THOC1: variants seen among roughly 807,000 people sequenced by gnomAD.
The protein encoded by THOC1 is THO complex subunit 1.
THOC1 carries 29 observed loss-of-function variants against 97.3 expected under a neutral mutation model. The ratio of observed to expected loss-of-function variants is 0.30; its 90% confidence interval spans 0.22 to 0.41. The LOEUF is 0.41. Ranked by LOEUF, THOC1 falls within the 10% of genes least tolerant of loss-of-function variation. THOC1 has a pLI of 1.00. For synonymous variants in THOC1, 255 were observed against 257.0 expected (o/e 0.99, Z 0.07); for missense variants, 529 against 761.9 (o/e 0.69, Z 3.60).
At chr18:252,320 T>C (rs1912304227) in intron 9 of THOC1, among the ~76,000 whole-genome samples, 1 of 152,140 alleles carries the variant, frequency 6.6e-6, no homozygotes, top group African/African-American at 2.4e-5. Context: ...CATAGGGTAG[T>C]CTATATAAAC....
intron 1 of THOC1, among the ~76,000 whole-genome samples, chr18:267,025 AT>A (rs1320618354): frequency 1.3e-5 from 2 of 151,236 alleles, no homozygotes; most frequent in African/African-American, 2.4e-5. Flanking sequence ...ATATGTATAT[AT>A]ATATATATAT....
In THOC1 at chr18:218,966, T is replaced by C. The variant is rs1023002135; in HGVS notation, c.1374A>G (p.Glu458=). The C allele has an allele frequency of 3.8e-6, 6 of 1,598,994 alleles. No individual in the cohort carries two copies. Among genetic ancestry groups the C allele is most frequent in the Non-Finnish European group, 5.1e-6 (6 of 1,171,794 alleles). ...AGAATTCCTCCAAAGTGGGCATGTG[T>C]TCCCTGAGCGGTACAAAAATAACCA... ...NMEACKSETR[E]HMPTLEEFFE... Residue 458 remains glutamate, a synonymous_variant, in exon 18 of 21, where the codon GAA becomes GAG. Transcript: ENST00000261600.
At chr18:216,234 G>C (rs966999965) in intron 19 of THOC1, 2 of 367,064 alleles carry the variant, frequency 5.4e-6, no homozygotes, top group African/African-American at 4.2e-5. Context: ...TTACAGTCGT[G>C]AGCCACCGCA....
chr18:225,716 A>T (rs997196894), intron 12 of THOC1: 1 of 260,482 alleles, frequency 3.8e-6, no homozygotes, highest in Non-Finnish European at 7.2e-6. Flanking sequence ...TTCTGATTTG[A>T]TATTAAGATA....
intron 19 of THOC1, 104 bp from the exon 20 acceptor site, chr18:215,608 T>G: frequency 1.2e-6 from 1 of 847,168 alleles, no homozygotes; most frequent in South Asian, 1.5e-5. Flanking sequence ...AAGTACAGGG[T>G]GCCAGAACCT....
chr18:259,264 T>G lies in THOC1; in HGVS notation c.436A>C (p.Arg146=). Residue 146 remains arginine, a synonymous_variant, in exon 7 of 21, where the codon AGA becomes CGA. Transcript: ENST00000261600. ...ACTGTATTCTGGGATTTAGACAATC[T>G]TCTTAGGAGATCTAACAATATATGA... The part of the protein sequence containing the change: ...LLRMCNDLLR[R]LSKSQNTVFC... 6.2e-7 allele frequency: 1 copy of G among 1,606,424 alleles called. No individual in the cohort carries two copies. The highest frequency in any genetic ancestry group is 8.5e-7 in the Non-Finnish European group (1 of 1,176,932).
In THOC1 at chr18:264,045, A is replaced by G. The variant is rs768272823; in HGVS notation, c.237T>C (p.Ala79=). 1 of 1,612,264 alleles carries G rather than the reference A, an allele frequency of 6.2e-7. No homozygotes were observed. The highest frequency in any genetic ancestry group is 1.3e-5 in the African/African-American group (1 of 74,902). The change falls in exon 4 of 21, where the codon GCT becomes GCC. Residue 79 remains alanine, a synonymous_variant. Transcript: ENST00000261600. ...CENVLAIISL[A]IGGVTEGICT... ...ACTTACCTTCAGTTACTCCCCCAAT[A>G]GCAAGAGAAATAATAGCTAAAACGT...
intron 7 of THOC1, among the ~76,000 whole-genome samples, chr18:256,099 T>G (rs1440976154): frequency 1.3e-5 from 2 of 152,268 alleles, no homozygotes; most frequent in Non-Finnish European, 2.9e-5. Flanking sequence ...GTTGTTTTCA[T>G]GCCTGCTAAT....
Position 226,909 on chromosome 18 carries a change from A to G in THOC1, c.919-8T>C, listed in dbSNP as rs1367500427. On this transcript the variant is annotated splice_region_variant and splice_polypyrimidine_tract_variant and intron_variant, in intron 11 of 20. Coordinates refer to ENST00000261600, the MANE Select transcript of THOC1 (RefSeq NM_005131.3). ...CAGTTGTAAATCCATCAGCTACTCA[A>G]GAAACAAGCAAACACATACGAAAAC... 13 of 1,599,840 alleles carry G rather than the reference A, an allele frequency of 8.1e-6. No individual in the cohort carries two copies. The highest frequency in any genetic ancestry group is 2.7e-5 in the African/African-American group (2 of 74,754).
At chr18:229,676 C>T (rs374091502) in intron 11 of THOC1, among the ~76,000 whole-genome samples, 43 of 152,242 alleles carry the variant, frequency 2.8e-4, no homozygotes, top group African/African-American at 9.9e-4. Flanking sequence ...GAGCAACAAT[C>T]GGTCTTGGGG....
chr18:221,718 C>T (rs1306326630), intron 17 of THOC1, among the ~76,000 whole-genome samples: 1 of 150,630 alleles, frequency 6.6e-6, no homozygotes. Flanking sequence ...ACGCCATTCT[C>T]CTGCCTCAGC....
intron 3 of THOC1, 186 bp downstream of exon 3, chr18:265,117 T>C: frequency 1.8e-6 from 1 of 570,412 alleles, no homozygotes; most frequent in Non-Finnish European, 3.0e-6. Flanking sequence ...ACCAAACCCT[T>C]AAAATGTACC....
At chr18:240,430 T>A (rs1263894453) in intron 11 of THOC1, among the ~76,000 whole-genome samples, 1 of 152,224 alleles carries the variant, frequency 6.6e-6, no homozygotes, top group Non-Finnish European at 1.5e-5. Context: ...ATATGCTCAA[T>A]GATATTTAAA....
At chr18:240,336 A>C (rs1911854639) in intron 11 of THOC1, among the ~76,000 whole-genome samples, 2 of 152,108 alleles carry the variant, frequency 1.3e-5, no homozygotes, top group African/African-American at 4.8e-5. Flanking sequence ...TTACTTTCTT[A>C]TCTTGCTTGT....
Position 267,963 on chromosome 18 carries a change from C to T in THOC1, c.54+3G>A. ...GGCCTGCACCCTCCCCTCTACAGCT[C>T]ACCGTAAACCGCGTCCGCGCTTCGG... is the stretch of plus-strand genomic sequence containing the variant. On this transcript the variant is annotated splice_donor_region_variant and intron_variant, in intron 1 of 20. Transcript: ENST00000261600. 6.2e-7 allele frequency: 1 copy of T among 1,611,784 alleles called. No homozygotes were observed. The highest frequency in any genetic ancestry group is 8.5e-7 in the Non-Finnish European group (1 of 1,179,134).
Sources: gnomAD v4.1 joint callset for allele counts (sites outside exome capture counted in the v4.1 genomes callset) on GRCh38, gnomAD v4.1.1 for gene constraint, MANE v1.5 for transcripts, NCBI Gene and HGNC (gene_info 2026-07-23, HGNC 2026-07-21) for gene names.